Variants in CEP72 observed in about 807,000 individuals in gnomAD.
CEP72 encodes the protein centrosomal protein of 72 kDa.
In CEP72, 78 loss-of-function variants were observed where a neutral mutation model predicts 65.7. That is an observed-to-expected ratio of 1.19 (90% confidence interval 0.99 to 1.43). CEP72 has a LOEUF of 1.43. Among genes scored for constraint, CEP72 ranks in the 40% most tolerant of loss-of-function variants. CEP72 has a pLI of 0.00. For missense variants in CEP72, 914 were observed against 832.9 expected (o/e 1.10, Z -1.20); for synonymous variants, 358 against 351.7 (o/e 1.02, Z -0.20).
chr5:640,521 A>C lies in CEP72; in HGVS notation c.1456A>C (p.Ser486Arg). 1 of 1,614,144 alleles carries C rather than the reference A, an allele frequency of 6.2e-7. No homozygotes were observed. Among genetic ancestry groups the C allele is most frequent in the Non-Finnish European group, 8.5e-7 (1 of 1,180,032 alleles). Reference protein sequence around the residue: ...SLALESKSLQSRLAEQQQQHA... With the variant: ...SLALESKSLQRRLAEQQQQHA... ...GGCTCTGGAGAGTAAGTCCCTGCAA[A>C]GCCGCCTTGCTGAGCAGCAGCAGCA... The change falls in exon 9 of 12, where the codon AGC becomes CGC. Residue 486 changes from serine to arginine, a missense_variant. By Grantham distance (110) the Ser-to-Arg change is moderately radical (BLOSUM62 -1). Transcript: ENST00000264935.
chr5:635,623 A>G (rs1357163347), intron 6 of CEP72, 39 bp downstream of exon 6: 1 of 1,398,774 alleles, frequency 7.1e-7, no homozygotes, highest in Non-Finnish European at 1.0e-6. Flanking sequence ...TGTTGCTGTA[A>G]CAGAAAACCA....
intron 9 of CEP72, chr5:642,594 T>G: frequency 1.0e-6 from 1 of 985,486 alleles, no homozygotes; most frequent in Non-Finnish European, 1.2e-6. Flanking sequence ...CACATGCAGC[T>G]GTGGCTGCCG....
Position 619,167 on chromosome 5 carries a change from A to G in CEP72, c.210+50A>G, listed in dbSNP as rs922551651. 4 of 1,559,736 alleles carry G rather than the reference A, an allele frequency of 2.6e-6. No homozygotes were observed. The African/African-American group carries it at 4.1e-5, about 16-fold the overall frequency. On this transcript the variant is annotated intron_variant, in intron 2 of 11. Transcript: ENST00000264935. ...AATTTATTGCTATCAACATCAGTGG[A>G]AAGTCCATTCACAGCAGAAACGGAG...
intron 10 of CEP72, 70 bp downstream of exon 10, chr5:644,495 T>G: frequency 6.5e-7 from 1 of 1,544,434 alleles, no homozygotes; most frequent in Middle Eastern, 1.7e-4. Context: ...AGACTTTGTT[T>G]TAAATTCTTC....
intron 11 of CEP72, among the ~76,000 whole-genome samples, 157 bp downstream of exon 11, chr5:648,073 C>T (rs1738541940): frequency 6.6e-6 from 1 of 152,278 alleles, no homozygotes; most frequent in Admixed American, 6.5e-5. Flanking sequence ...TTGAAACTTT[C>T]ATAAACTTTC....
At chr5:633,165 C>T (rs867207991) in intron 4 of CEP72, among the ~76,000 whole-genome samples, 2 of 66,932 alleles carry the variant, frequency 3.0e-5, no homozygotes, top group African/African-American at 9.6e-5. Context: ...CGGGATTTGG[C>T]CCAGTCCTGG....
At chr5:658,111 G>A (rs1739427925), downstream of CEP72, among the ~76,000 whole-genome samples, 1 of 152,252 alleles carries the variant, frequency 6.6e-6, no homozygotes, top group South Asian at 2.1e-4. Flanking sequence ...CTGTGGCAGA[G>A]ATGTAGGGAC....
At chr5:665,820 A>G in intron 3 of CEP72, 1 of 860,692 alleles carries the variant, frequency 1.2e-6, no homozygotes, top group Non-Finnish European at 1.7e-6. Context: ...ACACCAGGCC[A>G]CGCCCTCCTG....
chr5:645,467 A>C lies in CEP72; in HGVS notation c.1666+1042A>C, dbSNP rs989626275. On this transcript the variant is annotated intron_variant, in intron 10 of 11. Transcript: ENST00000264935. The surrounding 1 kb of genome is among the most constrained non-coding windows in gnomAD (Gnocchi z 4.0). ...TTCGTCGTAAAGGTGATGAGAAAAA[A>C]AAAAAAAAACAGTTCCCTGCCCGGG... 3.3e-5 allele frequency among the ~76,000 whole-genome samples: 5 copies of C among 151,712 alleles called. No individual in the cohort carries two copies. The highest frequency in any genetic ancestry group is 2.0e-4 in the Admixed American group (3 of 15,238).
chr5:638,818 G>T (rs1737800080), intron 7 of CEP72, among the ~76,000 whole-genome samples: 1 of 152,132 alleles, frequency 6.6e-6, no homozygotes, highest in Admixed American at 6.5e-5. Context: ...TGGGTTGAGG[G>T]GAGGAGTCTG....
rs72705030 is a variant in CEP72, at chr5:645,447, C to T, written c.1666+1022C>T. ...CCGTGTCCATTCAACATCATTTCGT[C>T]GTAAAGGTGATGAGAAAAAAAAAAA... On this transcript the variant is annotated intron_variant, in intron 10 of 11. Transcript: ENST00000264935. The surrounding 1 kb of genome is among the most constrained non-coding windows in gnomAD (Gnocchi z 4.0). Among the ~76,000 whole-genome samples the T allele has an allele frequency of 0.13, 19,229 of 149,448 alleles. 1,584 individuals are homozygous for T. The highest frequency in any genetic ancestry group is 0.19 in the Non-Finnish European group (12,639 of 67,552).
At chr5:637,961 T>G in intron 7 of CEP72, 143 bp downstream of exon 7, 1 of 828,538 alleles carries the variant, frequency 1.2e-6, no homozygotes, top group Non-Finnish European at 1.8e-6. Flanking sequence ...GGTGCCGTGA[T>G]TACGCCTACG....
At position 612,456 on chromosome 5, in the gene CEP72, G is replaced by T; in HGVS notation, c.82+13G>T. The T allele has an allele frequency of 6.9e-7, 1 of 1,441,324 alleles. No individual in the cohort carries two copies. The highest frequency in any genetic ancestry group is 9.1e-7 in the Non-Finnish European group (1 of 1,098,110). 89.3% of individuals were successfully genotyped at this position (1,441,324 alleles called of 1,614,324 possible). ...CACCGCGACCTGGGTGCGCCGGAGG[G>T]CGGGCGGGGGTGCAAGCGTGAGGTG... On this transcript the variant is annotated intron_variant, in intron 1 of 11. Coordinates refer to ENST00000264935, the MANE Select transcript of CEP72 (RefSeq NM_018140.4).
At chr5:640,274 A>G in intron 8 of CEP72, 134 bp from the exon 9 acceptor site, 1 of 1,217,996 alleles carries the variant, frequency 8.2e-7, no homozygotes, top group Non-Finnish European at 1.1e-6. Context: ...TGGCGCCAAC[A>G]CCCCTTTCCC....
At chr5:634,883 A>C (rs978244696) in intron 5 of CEP72, among the ~76,000 whole-genome samples, 1 of 152,058 alleles carries the variant, frequency 6.6e-6, no homozygotes, top group African/African-American at 2.4e-5. Context: ...TGAAGGGCAC[A>C]GTTTATTTTG....
At chr5:629,180 T>C (rs1377963050) in intron 4 of CEP72, among the ~76,000 whole-genome samples, 1 of 152,268 alleles carries the variant, frequency 6.6e-6, no homozygotes, top group Non-Finnish European at 1.5e-5. Flanking sequence ...AGCACATTCT[T>C]CTCTGTATAG....
At chr5:674,141 T>G in the CEP72 span, among the ~76,000 whole-genome samples, 1 of 152,158 alleles carries the variant, frequency 6.6e-6, no homozygotes, top group African/African-American at 2.4e-5. Context: ...TCTAGGAGCT[T>G]CACCCACAAG....
chr5:642,304 A>T, intron 9 of CEP72: 3 of 921,944 alleles, frequency 3.3e-6, no homozygotes, highest in Non-Finnish European at 3.8e-6. Flanking sequence ...TTAAACACAC[A>T]TGGCCCCTCA....
At chr5:633,972 C>T in intron 5 of CEP72, 25 bp downstream of exon 5, 1 of 1,604,888 alleles carries the variant, frequency 6.2e-7, no homozygotes, top group Non-Finnish European at 8.5e-7. Flanking sequence ...TGCCAGGAGG[C>T]CAGTGGGTCC....
Sources: allele counts gnomAD v4.1 joint callset (sites outside exome capture counted in the v4.1 genomes callset), GRCh38; gene constraint gnomAD v4.1.1; non-coding constraint Gnocchi (gnomAD v3.1); transcripts MANE v1.5; gene names NCBI Gene and HGNC (gene_info 2026-07-23, HGNC 2026-07-21).